Variants in ORC2 observed in about 807,000 individuals in gnomAD.
ORC2 encodes origin recognition complex subunit 2.
ORC2 carries 37 observed loss-of-function variants against 77.7 expected under a neutral mutation model. The observed-to-expected ratio is 0.48, with a 90% CI of 0.37 to 0.63. ORC2 has a LOEUF of 0.63. Among genes scored for constraint, ORC2 ranks in the 20% least tolerant of loss-of-function variants. The pLI is 0.00. For missense variants in ORC2, 557 were observed against 661.9 expected (o/e 0.84, Z 1.74); for synonymous variants, 201 against 229.5 (o/e 0.88, Z 1.12).
intron 5 of ORC2, among the ~76,000 whole-genome samples, chr2:200,944,212 C>T (rs970592248): frequency 3.9e-5 from 6 of 152,052 alleles, no homozygotes; most frequent in African/African-American, 9.7e-5. Flanking sequence ...CTTGCTCTGT[C>T]GCCCAGGCTG....
intron 15 of ORC2, among the ~76,000 whole-genome samples, chr2:200,914,413 G>T (rs528094054): frequency 6.6e-6 from 1 of 152,168 alleles, no homozygotes; most frequent in African/African-American, 2.4e-5. Context: ...TGATCCGCCC[G>T]CCTCGGCCTC....
rs867327527 is a variant in ORC2 at position 200,933,979 on chromosome 2, A to G, written c.709-5T>C. On this transcript the variant is annotated splice_region_variant and splice_polypyrimidine_tract_variant and intron_variant, in intron 9 of 17. Coordinates refer to ENST00000234296, the MANE Select transcript of ORC2 (RefSeq NM_006190.5). ...ATATTCTTCTACTAAGTCACTCTGA[A>G]AGTGAACAGAGTAGTCAGTCCTTAG... 1.3e-6 allele frequency: 2 copies of G among 1,528,606 alleles called. No homozygotes were observed. Among genetic ancestry groups the G allele is most frequent in the South Asian group, 1.1e-5 (1 of 88,412 alleles). The allele number at this position is 1,528,606 out of a possible 1,614,324, so 94.7% of individuals were successfully genotyped here.
chr2:200,941,401 G>C (rs2041149862), intron 6 of ORC2, 122 bp from the exon 7 acceptor site: 1 of 752,204 alleles, frequency 1.3e-6, no homozygotes, highest in African/African-American at 1.7e-5. Flanking sequence ...CCAGCACTTT[G>C]GGAGGCAAGG....
At chr2:200,938,228 C>T (rs1230518970) in intron 7 of ORC2, among the ~76,000 whole-genome samples, 1 of 152,160 alleles carries the variant, frequency 6.6e-6, no homozygotes, top group Admixed American at 6.6e-5. Flanking sequence ...AGGGTCTCAC[C>T]ATGTTGGCCA....
Position 200,926,832 on chromosome 2 carries a change from G to C in ORC2, c.986C>G (p.Thr329Ser), listed in dbSNP as rs757469623. 7.4e-5 allele frequency: 119 copies of C among 1,613,682 alleles called. No homozygotes were observed. The highest frequency in any genetic ancestry group is 3.3e-4 in the Middle Eastern group (2 of 6,062). ...AACGTGAATGGAATCTTGCAGCATA[G>C]TGGTTCGAAACCTTTCTAGTAAATC... ...KRDLLERFRT[T>S]MLQDSIHVVI... Residue 329 changes from threonine to serine, a missense_variant, in exon 12 of 18, where the codon ACT (threonine) becomes AGT (serine). Transcript: ENST00000234296.
At chr2:200,921,649 T>C (rs1475977671) in intron 13 of ORC2, 2 of 151,398 alleles carry the variant, frequency 1.3e-5, no homozygotes, top group African/African-American at 4.9e-5. Context: ...TTTTGTTTTG[T>C]TTTTTAAGAC....
chr2:200,941,682 T>C (rs1487171577), intron 6 of ORC2, among the ~76,000 whole-genome samples: 2 of 151,750 alleles, frequency 1.3e-5, no homozygotes, highest in African/African-American at 4.8e-5. Flanking sequence ...CCTTTTAAAT[T>C]TTGATTATTG....
chr2:200,942,845 T>G, intron 5 of ORC2, 68 bp from the exon 6 acceptor site: 1 of 868,364 alleles, frequency 1.2e-6, no homozygotes, highest in Non-Finnish European at 1.8e-6. Context: ...AATAACCTTA[T>G]TACGCTTACA....
intron 1 of ORC2, among the ~76,000 whole-genome samples, chr2:200,962,872 T>A (rs2041606240): frequency 6.6e-6 from 1 of 152,220 alleles, no homozygotes; most frequent in South Asian, 2.1e-4. Context: ...CGTCTCAACA[T>A]CTTTTTAATT....
chr2:200,926,701 C>T, intron 12 of ORC2, 67 bp downstream of exon 12: 1 of 1,524,868 alleles, frequency 6.6e-7, no homozygotes, highest in South Asian at 1.1e-5. Flanking sequence ...ACTCCATCCT[C>T]ATTTATGTGG....
chr2:200,912,843 TAC>T (rs1422219042), intron 17 of ORC2, among the ~76,000 whole-genome samples: 1 of 152,226 alleles, frequency 6.6e-6, no homozygotes, highest in Non-Finnish European at 1.5e-5. Context: ...AGGACTTCCT[TAC>T]AGTTAAAATG....
intron 13 of ORC2, among the ~76,000 whole-genome samples, chr2:200,922,496 G>A (rs1467348377): frequency 6.6e-6 from 1 of 151,044 alleles, no homozygotes. Context: ...TATTTTTAAT[G>A]TATATTTAAA....
chr2:200,946,819 T>C (rs2041257695), intron 5 of ORC2, among the ~76,000 whole-genome samples: 1 of 152,234 alleles, frequency 6.6e-6, no homozygotes, highest in Admixed American at 6.5e-5. Flanking sequence ...GTCTACTTTA[T>C]CTTTCTAATT....
intron 5 of ORC2, among the ~76,000 whole-genome samples, chr2:200,945,763 CTTA>C (rs2041239537): frequency 6.6e-6 from 1 of 152,036 alleles, no homozygotes; most frequent in African/African-American, 2.4e-5. Flanking sequence ...TAAAAAGATA[CTTA>C]TTTTCTTTTA....
rs945869188 is a variant in ORC2 at position 200,934,310 on chromosome 2, C to CT, written c.709-337dup. Among the ~76,000 whole-genome samples the CT allele has an allele frequency of 6.7e-3, 985 of 148,044 alleles. 4 individuals are homozygous for CT. The highest frequency in any genetic ancestry group is 0.023 in the African/African-American group (911 of 40,336). On this transcript the variant is annotated intron_variant, in intron 9 of 17. Coordinates refer to ENST00000234296, the MANE Select transcript of ORC2 (RefSeq NM_006190.5). ...GATCTTTGTTTCTCCTCAAGTAAGT[C>CT]TTTTTTTTTTCCTTTCTTTATTGAG...
Position 200,963,532 on chromosome 2 carries a change from G to A in ORC2, c.-102C>T, listed in dbSNP as rs951410800. On this transcript the variant is annotated 5_prime_UTR_variant, in exon 1 of 18. Transcript: ENST00000234296. ...GCGCCGATCCGGCTGCGTCACGCCG[G>A]CCGAACGACACCCCGCTGAGTCGCC... 3 of 398,498 alleles carry A rather than the reference G, an allele frequency of 7.5e-6. No individual in the cohort carries two copies. The highest frequency in any genetic ancestry group is 6.2e-5 in the African/African-American group (3 of 48,650). The allele number at this position is 398,498 out of a possible 1,614,324, so 24.7% of individuals were successfully genotyped here. A position where few individuals can be genotyped will look rare whatever the true frequency, so the allele number is the denominator to read the frequency against.
chr2:200,941,347 T>C (rs1227502777), intron 6 of ORC2, 68 bp from the exon 7 acceptor site: 2 of 1,466,860 alleles, frequency 1.4e-6, no homozygotes, highest in Non-Finnish European at 1.9e-6. Context: ...TCTAGTTTCA[T>C]TAAAAGTAAA....
At chr2:200,939,833 T>C (rs541907787) in intron 7 of ORC2, among the ~76,000 whole-genome samples, 18 of 152,296 alleles carry the variant, frequency 1.2e-4, no homozygotes, top group African/African-American at 4.3e-4. Flanking sequence ...AATCTATAAC[T>C]TGAGAAAGAA....
intron 15 of ORC2, among the ~76,000 whole-genome samples, chr2:200,917,448 G>C (rs2040676482): frequency 6.6e-6 from 1 of 152,108 alleles, no homozygotes; most frequent in Non-Finnish European, 1.5e-5. Flanking sequence ...CACTATGCCT[G>C]GCCGAGTTGA....
Sources: gnomAD v4.1 joint callset for allele counts (sites outside exome capture counted in the v4.1 genomes callset) on GRCh38, gnomAD v4.1.1 for gene constraint, MANE v1.5 for transcripts, NCBI Gene and HGNC (gene_info 2026-07-23, HGNC 2026-07-21) for gene names.